The following ADCY2 variants were observed in gnomAD, a reference collection of about 807,000 sequenced individuals.
ADCY2 encodes the protein adenylate cyclase type 2.
A neutral mutation model predicts 125.2 loss-of-function variants in ADCY2; 31 were observed. The observed-to-expected ratio is 0.25, with a 90% confidence interval of 0.19 to 0.33. The LOEUF is 0.33. Ranked by LOEUF, ADCY2 falls within the 10% of genes least tolerant of loss-of-function variation. The pLI, the probability that ADCY2 is intolerant of heterozygous loss-of-function variation, is 1.00. For missense variants in ADCY2, 904 were observed against 1,418.2 expected (o/e 0.64, Z 5.82); for synonymous variants, 512 against 548.4 (o/e 0.93, Z 0.93).
chr5:7,814,110 C>T (rs969309229), intron 22 of ADCY2, among the ~76,000 whole-genome samples: 5 of 152,194 alleles, frequency 3.3e-5, no homozygotes, highest in African/African-American at 7.2e-5. Context: ...AGTTAGCTGA[C>T]GGTCAACTTT....
intron 2 of ADCY2, among the ~76,000 whole-genome samples, chr5:7,425,841 G>T (rs1244657114): frequency 1.3e-5 from 2 of 152,240 alleles, no homozygotes; most frequent in African/African-American, 4.8e-5. Context: ...CTCTACATTT[G>T]CAGTGCTTTG....
chr5:7,546,368 A>C (rs897513761), intron 3 of ADCY2, among the ~76,000 whole-genome samples: 1 of 152,198 alleles, frequency 6.6e-6, no homozygotes, highest in Non-Finnish European at 1.5e-5. Flanking sequence ...AGCAGTTTCC[A>C]AGGTGTTTGA....
In ADCY2 at chr5:7,826,699, C is replaced by G. The variant is rs326172; in HGVS notation, c.3124-20C>G. On this transcript the variant is annotated intron_variant, in intron 24 of 24. Transcript: ENST00000338316. ...AATGTATGTACTAAGCCCGTTTTCCCGTGTTCCTGTGCCTTCTAGGTTACC... is the reference window on the plus strand; with the variant it reads ...AATGTATGTACTAAGCCCGTTTTCCGGTGTTCCTGTGCCTTCTAGGTTACC... 6.2e-7 allele frequency: 1 copy of G among 1,613,602 alleles called. No individual in the cohort carries two copies. The highest frequency in any genetic ancestry group is 1.3e-5 in the African/African-American group (1 of 74,820).
chr5:7,626,377 C>A, intron 4 of ADCY2, 61 bp downstream of exon 4: 1 of 1,559,854 alleles, frequency 6.4e-7, no homozygotes, highest in Non-Finnish European at 8.7e-7. Flanking sequence ...GATGCTGTTA[C>A]TATTAATGTT....
At chr5:7,677,035 G>A (rs1171353544) in intron 4 of ADCY2, among the ~76,000 whole-genome samples, 1 of 152,074 alleles carries the variant, frequency 6.6e-6, no homozygotes, top group Non-Finnish European at 1.5e-5. Context: ...CCTGCGCTTT[G>A]GGAGGCCGAG....
chr5:7,671,537 ACTT>A (rs1739934956), intron 4 of ADCY2, among the ~76,000 whole-genome samples: 1 of 152,134 alleles, frequency 6.6e-6, no homozygotes, highest in South Asian at 2.1e-4. Flanking sequence ...TGCCTTGGAA[ACTT>A]CTTATTGTTC....
intron 4 of ADCY2, among the ~76,000 whole-genome samples, chr5:7,629,866 T>G (rs1027404058): frequency 2.0e-5 from 3 of 152,234 alleles, no homozygotes; most frequent in Non-Finnish European, 4.4e-5. Flanking sequence ...ATAAGAACAC[T>G]GTTTGCTAAC....
At chr5:7,621,835 G>A (rs550835554) in intron 3 of ADCY2, among the ~76,000 whole-genome samples, 6 of 152,322 alleles carry the variant, frequency 3.9e-5, no homozygotes, top group African/African-American at 1.4e-4. Context: ...ATGATGGGGT[G>A]CAGCATGGAC....
rs551796911 is a variant in ADCY2, at chr5:7,793,055, A to G, written c.2628+3255A>G. Reference sequence around the variant, plus strand: ...CACTTCCCCTGTGGCCCTGCTGTGTACCAGGGACCTTCATGCCACTGCACA... The same window carrying G: ...CACTTCCCCTGTGGCCCTGCTGTGTGCCAGGGACCTTCATGCCACTGCACA... On this transcript the variant is annotated intron_variant, in intron 20 of 24. Coordinates refer to ENST00000338316, the MANE Select transcript of ADCY2 (RefSeq NM_020546.3). Among the ~76,000 whole-genome samples the G allele has an allele frequency of 1.6e-3, 249 of 152,296 alleles. 2 individuals are homozygous for G. Among genetic ancestry groups the G allele is most frequent in the African/African-American group, 5.8e-3 (243 of 41,568 alleles).
intron 3 of ADCY2, among the ~76,000 whole-genome samples, chr5:7,531,025 G>C (rs781145606): frequency 6.6e-6 from 1 of 152,128 alleles, no homozygotes; most frequent in Non-Finnish European, 1.5e-5. Context: ...GGAAGCCTAC[G>C]CTACACTGAT....
intron 3 of ADCY2, among the ~76,000 whole-genome samples, chr5:7,533,042 C>T (rs1301476324): frequency 6.7e-6 from 1 of 148,636 alleles, no homozygotes; most frequent in Non-Finnish European, 1.5e-5. Flanking sequence ...TGTATATAAA[C>T]ATTTGATATA....
intron 2 of ADCY2, among the ~76,000 whole-genome samples, chr5:7,420,971 G>A (rs1003955918): frequency 1.3e-5 from 2 of 152,174 alleles, no homozygotes; most frequent in Admixed American, 6.5e-5. Context: ...CATCTAGTAA[G>A]TGGGATCATT....
intron 3 of ADCY2, among the ~76,000 whole-genome samples, chr5:7,524,488 T>C (rs888057235): frequency 6.6e-6 from 1 of 152,302 alleles, no homozygotes; most frequent in East Asian, 1.9e-4. Context: ...ACAATGTCTT[T>C]CATCACAAAA....
At chr5:7,751,133 G>A (rs1221462836) in intron 15 of ADCY2, among the ~76,000 whole-genome samples, 1 of 152,056 alleles carries the variant, frequency 6.6e-6, no homozygotes, top group East Asian at 1.9e-4. Flanking sequence ...TAACCATTTA[G>A]TTTTTAATTT....
chr5:7,722,744 A>C (rs1438369874), intron 12 of ADCY2, among the ~76,000 whole-genome samples: 1 of 152,048 alleles, frequency 6.6e-6, no homozygotes, highest in Non-Finnish European at 1.5e-5. Flanking sequence ...AGACCACCTG[A>C]GGTCAGGAGT....
chr5:7,713,173 A>G (rs1363791545), intron 11 of ADCY2, among the ~76,000 whole-genome samples: 1 of 147,020 alleles, frequency 6.8e-6, no homozygotes, highest in Non-Finnish European at 1.5e-5. Flanking sequence ...AATGTGTGGT[A>G]AAAAAAAAAG....
At chr5:7,512,410 ATGT>A (rs1353926520) in intron 2 of ADCY2, among the ~76,000 whole-genome samples, 1 of 151,922 alleles carries the variant, frequency 6.6e-6, no homozygotes, top group Non-Finnish European at 1.5e-5. Flanking sequence ...GATTTGGATG[ATGT>A]TGTAGCCACA....
At chr5:7,642,368 T>A (rs1381272084) in intron 4 of ADCY2, among the ~76,000 whole-genome samples, 3 of 152,182 alleles carry the variant, frequency 2.0e-5, no homozygotes, top group Admixed American at 2.0e-4. Context: ...TTTAATGGGA[T>A]TATTTGTTTT....
At chr5:7,466,994 G>A (rs752284396) in intron 2 of ADCY2, among the ~76,000 whole-genome samples, 1 of 152,206 alleles carries the variant, frequency 6.6e-6, no homozygotes, top group African/African-American at 2.4e-5. Flanking sequence ...CAGCATCCTC[G>A]TCAGCCTGGT....
Sources: allele counts gnomAD v4.1 joint callset (sites outside exome capture counted in the v4.1 genomes callset), GRCh38; gene constraint gnomAD v4.1.1; transcripts MANE v1.5; gene names NCBI Gene and HGNC (gene_info 2026-07-23, HGNC 2026-07-21).